The following ADORA2B variants were observed in gnomAD, a reference collection of about 807,000 sequenced individuals.
ADORA2B encodes adenosine A2b receptor.
Under a neutral mutation model 20.8 loss-of-function variants are expected in ADORA2B, and 18 were observed. The observed-to-expected ratio is 0.87, with a 90% CI of 0.60 to 1.29. The LOEUF (loss-of-function observed/expected upper bound fraction) is 1.29. ADORA2B is among the 50% of genes most tolerant of loss of function. The pLI is 0.00. For missense variants in ADORA2B, 441 were observed against 422.7 expected, an observed-to-expected ratio of 1.04 and a Z score of -0.38; for synonymous variants, 179 against 178.3, an observed-to-expected ratio of 1.00 and a Z score of -0.03.
the ADORA2B span, among the ~76,000 whole-genome samples, chr17:15,919,756 G>T: frequency 6.6e-6 from 1 of 152,198 alleles, no homozygotes; most frequent in Non-Finnish European, 1.5e-5. Context: ...GGGAGGCCAG[G>T]TGGGATGCCA....
chr17:15,888,850 A>ATT, the ADORA2B span, among the ~76,000 whole-genome samples: 28 of 6,726 alleles, frequency 4.2e-3, 6 homozygotes, highest in Non-Finnish European at 5.6e-3. Flanking sequence ...ATATATATAT[A>ATT]TTTTTTTTTT....
chr17:15,953,677 A>C (rs1478567390), intron 1 of ADORA2B, among the ~76,000 whole-genome samples: 1 of 152,204 alleles, frequency 6.6e-6, no homozygotes, highest in African/African-American at 2.4e-5. Flanking sequence ...GTCAAGAAAA[A>C]CAAGGAAGAA....
chr17:15,888,815 CATATATATAT>C, the ADORA2B span, among the ~76,000 whole-genome samples: 208 of 15,720 alleles, frequency 0.013, 13 homozygotes, highest in African/African-American at 0.037. Context: ...TATGTGATGC[CATATATATAT>C]ATATATATAT....
chr17:15,974,768 T>C lies in ADORA2B; in HGVS notation c.425T>C (p.Leu142Pro). The C allele has an allele frequency of 6.2e-7, 1 of 1,614,036 alleles. No individual in the cohort carries two copies. Among genetic ancestry groups the C allele is most frequent in the South Asian group, 1.1e-5 (1 of 91,062 alleles). ...LAFGIGLTPF[L>P]GWNSKDSATN... is the part of the protein sequence containing the mutation. ...TTTGGCATCGGATTGACTCCATTCC[T>C]GGGGTGGAACAGTAAAGACAGTGCC... The change falls in exon 2 of 2, where the codon CTG becomes CCG. Residue 142 changes from leucine (L) to proline (P), a missense_variant. Leu to Pro is a moderately conservative substitution (Grantham distance 98). Transcript: ENST00000304222.
chr17:15,867,579 T>G, the ADORA2B span, among the ~76,000 whole-genome samples: 2 of 137,990 alleles, frequency 1.4e-5, no homozygotes, highest in African/African-American at 5.6e-5. Context: ...GAGGCGGGGG[T>G]CAGCCCCCCG....
At chr17:15,862,429 T>C in the ADORA2B span, among the ~76,000 whole-genome samples, 1 of 151,784 alleles carries the variant, frequency 6.6e-6, no homozygotes, top group Non-Finnish European at 1.5e-5. Flanking sequence ...CCATTTTGGC[T>C]AGGCTGGTCT....
chr17:15,883,813 C>G, the ADORA2B span, among the ~76,000 whole-genome samples: 1 of 152,174 alleles, frequency 6.6e-6, no homozygotes, highest in Non-Finnish European at 1.5e-5. Flanking sequence ...TTTGTGATAA[C>G]AAGACTAGAA....
At chr17:15,952,238 A>T (rs1161511515) in intron 1 of ADORA2B, among the ~76,000 whole-genome samples, 1 of 152,124 alleles carries the variant, frequency 6.6e-6, no homozygotes, top group Non-Finnish European at 1.5e-5. Flanking sequence ...CACTGCAGGG[A>T]CAGATATGGG....
intron 1 of ADORA2B, among the ~76,000 whole-genome samples, chr17:15,965,051 C>G (rs1970098149): frequency 6.8e-6 from 1 of 146,074 alleles, no homozygotes; most frequent in South Asian, 2.2e-4. Context: ...CGGAGCTAGA[C>G]TCTGTCTCAA....
the ADORA2B span, among the ~76,000 whole-genome samples, chr17:15,871,412 T>C: frequency 6.6e-6 from 1 of 152,188 alleles, no homozygotes; most frequent in Non-Finnish European, 1.5e-5. Context: ...AGGCATGTTT[T>C]TGCCTCTGTG....
At chr17:15,912,214 C>CA in the ADORA2B span, among the ~76,000 whole-genome samples, 2,274 of 75,760 alleles carry the variant, frequency 0.03, 80 homozygotes, top group African/African-American at 0.089. Flanking sequence ...GACTCTGTCT[C>CA]AAAAAAAAAA....
intron 1 of ADORA2B, among the ~76,000 whole-genome samples, chr17:15,950,708 C>T (rs1038397258): frequency 1.8e-4 from 27 of 152,332 alleles, no homozygotes; most frequent in East Asian, 3.9e-4. Flanking sequence ...CTGCTTACCA[C>T]GCTGCAGAGA....
chr17:15,866,444 G>T, the ADORA2B span, among the ~76,000 whole-genome samples: 9 of 151,782 alleles, frequency 5.9e-5, no homozygotes, highest in East Asian at 1.7e-3. Context: ...CATGTGGATA[G>T]TCCCTTTTGG....
the ADORA2B span, among the ~76,000 whole-genome samples, chr17:15,885,566 T>C: frequency 4.8e-4 from 73 of 152,090 alleles, no homozygotes; most frequent in Admixed American, 3.1e-3. Context: ...ATACAAAAAT[T>C]AGCCATGCAT....
intron 1 of ADORA2B, among the ~76,000 whole-genome samples, chr17:15,973,242 T>G (rs1265374475): frequency 1.3e-5 from 2 of 152,236 alleles, no homozygotes; most frequent in African/African-American, 4.8e-5. Context: ...CTCAGGCCTT[T>G]GTTCAAGTGT....
At chr17:15,878,184 T>C in the ADORA2B span, among the ~76,000 whole-genome samples, 81 of 143,870 alleles carry the variant, frequency 5.6e-4, no homozygotes, top group South Asian at 2.4e-3. Flanking sequence ...TGTGTGTGTA[T>C]ACACACACAC....
chr17:15,950,965 G>A (rs1308812958), intron 1 of ADORA2B, among the ~76,000 whole-genome samples: 1 of 152,248 alleles, frequency 6.6e-6, no homozygotes, highest in East Asian at 1.9e-4. Flanking sequence ...AGCCTTGTGG[G>A]CAGGGGCCTT....
chr17:15,856,349 G>A, the ADORA2B span, among the ~76,000 whole-genome samples: 1 of 152,032 alleles, frequency 6.6e-6, no homozygotes, highest in African/African-American at 2.4e-5. Context: ...AGCCTCCTCA[G>A]CCATGTGAAA....
At chr17:15,886,440 G>T in the ADORA2B span, among the ~76,000 whole-genome samples, 27 of 129,794 alleles carry the variant, frequency 2.1e-4, 6 homozygotes, top group Admixed American at 2.0e-3. Context: ...CCAGCCTTGA[G>T]GGCTGAACCA....
Sources: allele counts gnomAD v4.1 joint callset (sites outside exome capture counted in the v4.1 genomes callset), GRCh38; gene constraint gnomAD v4.1.1; transcripts MANE v1.5; gene names NCBI Gene and HGNC (gene_info 2026-07-23, HGNC 2026-07-21).